RALGAPA2: variants seen among roughly 807,000 people sequenced by gnomAD.
RALGAPA2 encodes Ral GTPase activating protein catalytic subunit alpha 2.
Under a neutral mutation model 230.4 loss-of-function variants are expected in RALGAPA2, and 139 were observed. The ratio of observed to expected loss-of-function variants is 0.60; its 90% CI spans 0.53 to 0.69. The LOEUF (loss-of-function observed/expected upper bound fraction) is 0.69. Ranked by LOEUF, RALGAPA2 falls within the 30% of genes least tolerant of loss-of-function variation. The probability of loss-of-function intolerance (pLI) is 0.00; values close to 1 mark genes in which losing one functional copy is unlikely to be tolerated. For missense variants in RALGAPA2, 2,163 were observed against 2,276.0 expected, an observed-to-expected ratio of 0.95 and a Z score of 1.01; for synonymous variants, 847 against 837.8, an observed-to-expected ratio of 1.01 and a Z score of -0.19.
intron 37 of RALGAPA2, among the ~76,000 whole-genome samples, chr20:20,439,530 G>A (rs1040456054): frequency 3.3e-5 from 5 of 152,078 alleles, no homozygotes; most frequent in Non-Finnish European, 7.4e-5. Context: ...ACTTTTTACA[G>A]TTAGGTATCA....
chr20:20,467,526 AC>A (rs1312516426), intron 37 of RALGAPA2, among the ~76,000 whole-genome samples: 2 of 152,214 alleles, frequency 1.3e-5, no homozygotes, highest in African/African-American at 4.8e-5. Context: ...AGCCAGATAC[AC>A]GTGGCCCTGC....
At chr20:20,429,228 A>T (rs1291761367) in intron 37 of RALGAPA2, among the ~76,000 whole-genome samples, 1 of 152,206 alleles carries the variant, frequency 6.6e-6, no homozygotes, top group Non-Finnish European at 1.5e-5. Flanking sequence ...ACCCAGGGCG[A>T]TCTGTTACAC....
intron 36 of RALGAPA2, 31 bp from the exon 37 acceptor site, chr20:20,472,987 A>C (rs2061573428): frequency 6.3e-7 from 1 of 1,582,394 alleles, no homozygotes; most frequent in Admixed American, 1.8e-5. Flanking sequence ...AACAAATTTT[A>C]AAAACTGATA....
At chr20:20,409,980 A>C (rs2122751717) in intron 38 of RALGAPA2, among the ~76,000 whole-genome samples, 1 of 152,378 alleles carries the variant, frequency 6.6e-6, no homozygotes, top group Non-Finnish European at 1.5e-5. Context: ...AACCATGAAC[A>C]CTATGAAATG....
chr20:20,575,088 T>C (rs1204951508), intron 20 of RALGAPA2, among the ~76,000 whole-genome samples: 2 of 152,224 alleles, frequency 1.3e-5, no homozygotes, highest in African/African-American at 4.8e-5. Flanking sequence ...CTTCTTTTGC[T>C]GGTGCTTCTT....
chr20:20,659,756 C>G, intron 3 of RALGAPA2: 1 of 879,970 alleles, frequency 1.1e-6, no homozygotes, highest in African/African-American at 1.7e-5. Flanking sequence ...GGGGACCATG[C>G]TCAGAATGAA....
intron 4 of RALGAPA2, among the ~76,000 whole-genome samples, chr20:20,651,989 T>C (rs1254718751): frequency 6.6e-6 from 1 of 152,194 alleles, no homozygotes; most frequent in Admixed American, 6.5e-5. Context: ...TAAGCAGAAA[T>C]GCAATGGAGA....
At chr20:20,697,348 T>C (rs144943183) in intron 1 of RALGAPA2, among the ~76,000 whole-genome samples, 11 of 152,072 alleles carry the variant, frequency 7.2e-5, no homozygotes, top group African/African-American at 2.7e-4. Flanking sequence ...ATTTTTTAAT[T>C]AAAAAAATAG....
chr20:20,516,657 G>C (rs1433139639), intron 31 of RALGAPA2, among the ~76,000 whole-genome samples: 2 of 152,198 alleles, frequency 1.3e-5, no homozygotes, highest in East Asian at 3.9e-4. Flanking sequence ...ACCTCCATCA[G>C]AGCTGGTGCT....
chr20:20,469,037 T>C (rs148284406), intron 37 of RALGAPA2, among the ~76,000 whole-genome samples: 751 of 152,128 alleles, frequency 4.9e-3, no homozygotes, highest in Non-Finnish European at 8.3e-3. Context: ...TCAAATGTGA[T>C]AATATGATGT....
intron 13 of RALGAPA2, among the ~76,000 whole-genome samples, chr20:20,614,371 C>T (rs1045309213): frequency 6.6e-6 from 1 of 151,894 alleles, no homozygotes; most frequent in African/African-American, 2.4e-5. Context: ...ACTACTGATA[C>T]AGTAGTATAC....
intron 3 of RALGAPA2, among the ~76,000 whole-genome samples, chr20:20,657,216 C>G (rs977903339): frequency 6.6e-6 from 1 of 152,206 alleles, no homozygotes; most frequent in African/African-American, 2.4e-5. Flanking sequence ...CGAGGCAGAG[C>G]TGACAAATCT....
intron 32 of RALGAPA2, 123 bp from the exon 33 acceptor site, chr20:20,511,448 T>G: frequency 7.1e-7 from 1 of 1,401,954 alleles, no homozygotes; most frequent in South Asian, 1.5e-5. Context: ...ACAAAAGATT[T>G]GTGATAGAAA....
chr20:20,700,964 T>C (rs1568773515), intron 1 of RALGAPA2, among the ~76,000 whole-genome samples: 2 of 152,234 alleles, frequency 1.3e-5, no homozygotes. Context: ...GACTTAGATC[T>C]AGCTATTCTG....
intron 13 of RALGAPA2, among the ~76,000 whole-genome samples, chr20:20,613,375 C>T (rs1021621414): frequency 6.6e-6 from 1 of 152,226 alleles, no homozygotes; most frequent in African/African-American, 2.4e-5. Context: ...GATTTCAACT[C>T]ATTTACATAC....
chr20:20,572,050 A>C (rs952408590), intron 21 of RALGAPA2, 104 bp from the exon 22 acceptor site: 1 of 739,096 alleles, frequency 1.4e-6, no homozygotes. Context: ...GTTAATTTCT[A>C]TAAGTGAAAA....
chr20:20,422,785 A>G (rs1665915764), intron 37 of RALGAPA2, among the ~76,000 whole-genome samples: 1 of 152,234 alleles, frequency 6.6e-6, no homozygotes, highest in Non-Finnish European at 1.5e-5. Flanking sequence ...CGACTGTTCT[A>G]GCAGCTGGAG....
chr20:20,579,369 C>T (rs1036549286), intron 20 of RALGAPA2, among the ~76,000 whole-genome samples: 3 of 152,134 alleles, frequency 2.0e-5, no homozygotes, highest in African/African-American at 4.8e-5. Context: ...AGACAACAGG[C>T]GTCCCCCTCC....
chr20:20,404,102 CA>C (rs2059901360), intron 38 of RALGAPA2, among the ~76,000 whole-genome samples: 1 of 124,854 alleles, frequency 8.0e-6, no homozygotes, highest in African/African-American at 3.2e-5. Context: ...GAAGTGGCCA[CA>C]AAATAGAATA....
Sources: gnomAD v4.1 joint callset for allele counts (sites outside exome capture counted in the v4.1 genomes callset) on GRCh38, gnomAD v4.1.1 for gene constraint, MANE v1.5 for transcripts, NCBI Gene and HGNC (gene_info 2026-07-23, HGNC 2026-07-21) for gene names.